The following DCDC2 variants were observed in gnomAD, a reference collection of about 807,000 sequenced individuals.
DCDC2 encodes the protein doublecortin domain containing 2, also known as doublecortin domain-containing protein 2.
A neutral mutation model predicts 50.2 loss-of-function variants in DCDC2; 40 were observed. The observed-to-expected ratio is 0.80, with a 90% CI of 0.62 to 1.04. The LOEUF (loss-of-function observed/expected upper bound fraction) is 1.04, where lower values mean the gene tolerates loss of function less well. DCDC2 is among the 50% of genes least tolerant of loss of function. The pLI, the probability that DCDC2 is intolerant of heterozygous loss-of-function variation, is 0.00. For missense variants in DCDC2, 570 were observed against 581.9 expected (o/e 0.98, Z 0.21); for synonymous variants, 234 against 210.6 (o/e 1.11, Z -0.96).
At chr6:24,330,600 C>T (rs1418350398) in intron 2 of DCDC2, among the ~76,000 whole-genome samples, 1 of 152,190 alleles carries the variant, frequency 6.6e-6, no homozygotes, top group Non-Finnish European at 1.5e-5. Flanking sequence ...GTGTGCAAGG[C>T]AGGCTATCTT....
chr6:24,319,866 T>C (rs1433477212), intron 2 of DCDC2, among the ~76,000 whole-genome samples: 1 of 152,148 alleles, frequency 6.6e-6, no homozygotes, highest in Non-Finnish European at 1.5e-5. Flanking sequence ...TCTCAGTATA[T>C]ATTTTGTATA....
intron 7 of DCDC2, among the ~76,000 whole-genome samples, chr6:24,215,099 A>G (rs941094624): frequency 6.6e-6 from 1 of 152,224 alleles, no homozygotes; most frequent in Non-Finnish European, 1.5e-5. Flanking sequence ...AAGACAGTGC[A>G]TAAAGTAGGA....
At chr6:24,228,224 C>G (rs1472512641) in intron 7 of DCDC2, among the ~76,000 whole-genome samples, 2 of 152,214 alleles carry the variant, frequency 1.3e-5, no homozygotes, top group African/African-American at 4.8e-5. Context: ...GAAGGCTCTT[C>G]TTACTGCAGA....
rs1018359660 is a variant in DCDC2, at chr6:24,247,062, A to T, written c.922+30987T>A. On this transcript the variant is annotated intron_variant, in intron 7 of 9. Transcript: ENST00000378454. ...TGCTAAGACTCAGGCTGGTCTTAAC[A>T]TATATAAAGGGAGACAACTACTGCT... Among the ~76,000 whole-genome samples the T allele has an allele frequency of 3.9e-5, 6 of 152,266 alleles. No individual in the cohort carries two copies. The East Asian group carries it at 1.2e-3, about 29-fold the overall frequency.
chr6:24,314,782 G>A (rs1759631855), intron 2 of DCDC2, among the ~76,000 whole-genome samples: 1 of 151,770 alleles, frequency 6.6e-6, no homozygotes, highest in African/African-American at 2.4e-5. Flanking sequence ...TGTCAGTGTT[G>A]GAAAAAAGTC....
chr6:24,230,210 C>T (rs931430311), intron 7 of DCDC2, among the ~76,000 whole-genome samples: 7 of 152,190 alleles, frequency 4.6e-5, no homozygotes, highest in African/African-American at 1.4e-4. Context: ...TCACTGGTCT[C>T]ATATGACTTA....
At chr6:24,194,318 A>G (rs1581579044) in intron 8 of DCDC2, among the ~76,000 whole-genome samples, 1 of 152,236 alleles carries the variant, frequency 6.6e-6, no homozygotes, top group Non-Finnish European at 1.5e-5. Flanking sequence ...GTTTAAAAAA[A>G]TTATTTTACT....
intron 2 of DCDC2, among the ~76,000 whole-genome samples, chr6:24,304,364 T>G (rs1259180896): frequency 6.6e-6 from 1 of 152,172 alleles, no homozygotes; most frequent in Non-Finnish European, 1.5e-5. Context: ...GCACCTGTAG[T>G]TCCAGCTACT....
At chr6:24,288,587 A>G (rs1193943735) in intron 6 of DCDC2, among the ~76,000 whole-genome samples, 4 of 152,220 alleles carry the variant, frequency 2.6e-5, no homozygotes, top group African/African-American at 9.6e-5. Context: ...AGTTTAAAGT[A>G]TTATTGCCAA....
chr6:24,372,466 G>C, the DCDC2 span, among the ~76,000 whole-genome samples: 1 of 151,816 alleles, frequency 6.6e-6, no homozygotes, highest in Non-Finnish European at 1.5e-5. Context: ...CACATGCACA[G>C]GTATGTTTAT....
chr6:24,179,790 TA>T (rs1318223763), intron 8 of DCDC2, among the ~76,000 whole-genome samples: 1 of 149,130 alleles, frequency 6.7e-6, no homozygotes, highest in Non-Finnish European at 1.5e-5. Flanking sequence ...CCATCTCTAC[TA>T]AAAATACAAA....
chr6:24,208,817 C>A (rs1188925128), intron 7 of DCDC2, among the ~76,000 whole-genome samples: 1 of 152,232 alleles, frequency 6.6e-6, no homozygotes, highest in Non-Finnish European at 1.5e-5. Context: ...GTGCCTAGCA[C>A]AATGTCAGCC....
At chr6:24,182,629 G>GAAAAGAAAAAAA (rs1554142849) in intron 8 of DCDC2, among the ~76,000 whole-genome samples, 1 of 105,942 alleles carries the variant, frequency 9.4e-6, no homozygotes, top group Non-Finnish European at 1.8e-5. Context: ...ATGATGACAA[G>GAAAAGAAAAAAA]AAAAAAAAAA....
intron 2 of DCDC2, among the ~76,000 whole-genome samples, chr6:24,313,643 T>C (rs763059658): frequency 5.9e-5 from 9 of 152,280 alleles, no homozygotes; most frequent in East Asian, 1.9e-4. Context: ...TGTGGGCGGG[T>C]GCAGCTTCCA....
At chr6:24,356,709 G>C (rs1055564344) in intron 1 of DCDC2, among the ~76,000 whole-genome samples, 1 of 152,160 alleles carries the variant, frequency 6.6e-6, no homozygotes, top group Non-Finnish European at 1.5e-5. Context: ...AGTCCAGTTA[G>C]ACTGAAAGCT....
chr6:24,341,759 A>G (rs1760158906), intron 2 of DCDC2, among the ~76,000 whole-genome samples: 1 of 152,170 alleles, frequency 6.6e-6, no homozygotes, highest in Non-Finnish European at 1.5e-5. Flanking sequence ...GGGACCTAGT[A>G]GATCTAAGAG....
chr6:24,298,513 C>A (rs1581638856), intron 4 of DCDC2, among the ~76,000 whole-genome samples: 1 of 152,302 alleles, frequency 6.6e-6, no homozygotes, highest in East Asian at 1.9e-4. Context: ...CTCAGTATCT[C>A]CATAACCCTG....
At chr6:24,364,929 A>C in the DCDC2 span, among the ~76,000 whole-genome samples, 1 of 152,202 alleles carries the variant, frequency 6.6e-6, no homozygotes, top group Non-Finnish European at 1.5e-5. Flanking sequence ...ATATTCTGCT[A>C]GTTTTTCCTT....
At chr6:24,355,046 G>C (rs995675782) in intron 1 of DCDC2, among the ~76,000 whole-genome samples, 12 of 152,060 alleles carry the variant, frequency 7.9e-5, no homozygotes, top group African/African-American at 2.9e-4. Flanking sequence ...ACTTATAAGT[G>C]CTAAGTTTCA....
Sources: allele counts gnomAD v4.1 joint callset (sites outside exome capture counted in the v4.1 genomes callset), GRCh38; gene constraint gnomAD v4.1.1; transcripts MANE v1.5; gene names NCBI Gene and HGNC (gene_info 2026-07-23, HGNC 2026-07-21).